Variants in OR5D3 observed in about 807,000 individuals in gnomAD.
OR5D3 encodes the protein olfactory receptor family 5 subfamily D member 3.
the OR5D3 span, chr11:55,726,713 CT>C: frequency 2.5e-6 from 1 of 399,122 alleles, no homozygotes; most frequent in East Asian, 3.6e-5. Flanking sequence ...TTGACTTTAT[CT>C]TTTTGTAGGA....
the OR5D3 span, chr11:55,727,913 A>G: frequency 6.6e-6 from 1 of 152,126 alleles, no homozygotes; most frequent in Non-Finnish European, 1.5e-5. Context: ...TATAACAACC[A>G]GGATAATGAT....
the OR5D3 span, chr11:55,723,983 C>A: frequency 2.5e-6 from 1 of 397,890 alleles, no homozygotes. Context: ...TAAGCGGGAG[C>A]ATTATTGGAG....
At chr11:55,724,116 C>G in the OR5D3 span, 718 of 395,838 alleles carry the variant, frequency 1.8e-3, 13 homozygotes, top group African/African-American at 0.014. Context: ...TTCCGGTAAT[C>G]TTAGTACCAG....
chr11:55,727,232 A>G, the OR5D3 span: 1 of 397,204 alleles, frequency 2.5e-6, no homozygotes, highest in East Asian at 3.6e-5. Context: ...GCATGAAATT[A>G]TGATAACCCT....
chr11:55,725,196 C>G, the OR5D3 span, among the ~76,000 whole-genome samples: 1 of 151,972 alleles, frequency 6.6e-6, no homozygotes, highest in Non-Finnish European at 1.5e-5. Flanking sequence ...TTTATAACCA[C>G]TACATTCATT....
the OR5D3 span, chr11:55,728,895 G>C: frequency 6.6e-6 from 1 of 151,970 alleles, no homozygotes. Context: ...GTGTGCATAT[G>C]TGTATAGTTT....
the OR5D3 span, chr11:55,724,139 G>A: frequency 2.6e-6 from 1 of 391,356 alleles, no homozygotes; most frequent in Non-Finnish European, 4.5e-6. Context: ...AAACACACGT[G>A]TAGGTTGAAG....
At chr11:55,724,111 G>A in the OR5D3 span, 3 of 396,038 alleles carry the variant, frequency 7.6e-6, no homozygotes, top group Non-Finnish European at 1.3e-5. Flanking sequence ...CTGAGTTCCG[G>A]TAATCTTAGT....
chr11:55,724,309 A>C, the OR5D3 span, among the ~76,000 whole-genome samples: 934 of 152,172 alleles, frequency 6.1e-3, 8 homozygotes, highest in Middle Eastern at 0.024. Flanking sequence ...AAGAAGAATA[A>C]AGCAAAATTG....
the OR5D3 span, chr11:55,728,928 A>G: frequency 1.8e-4 from 28 of 152,164 alleles, no homozygotes; most frequent in South Asian, 2.1e-3. Context: ...AAGGAGCACA[A>G]AAAAGGATTT....
chr11:55,723,996 C>T, the OR5D3 span: 7 of 397,808 alleles, frequency 1.8e-5, no homozygotes, highest in East Asian at 3.6e-5. Flanking sequence ...TATTGGAGTT[C>T]GTTAATTTCA....
At chr11:55,726,933 G>C in the OR5D3 span, 2 of 399,404 alleles carry the variant, frequency 5.0e-6, no homozygotes, top group Non-Finnish European at 8.8e-6. Flanking sequence ...CGTTCTCCAC[G>C]TGTGCCTCCC....
the OR5D3 span, among the ~76,000 whole-genome samples, chr11:55,725,829 G>A: frequency 1.3e-5 from 2 of 152,002 alleles, no homozygotes; most frequent in African/African-American, 4.8e-5. Context: ...AAGCTTTAGA[G>A]GTACAGCAGG....
the OR5D3 span, among the ~76,000 whole-genome samples, chr11:55,724,498 T>C: frequency 7.4e-4 from 112 of 152,084 alleles, 2 homozygotes; most frequent in African/African-American, 2.6e-3. Flanking sequence ...AAATAAAGCA[T>C]TATAAAAGTG....
At chr11:55,724,888 T>C in the OR5D3 span, among the ~76,000 whole-genome samples, 1 of 152,152 alleles carries the variant, frequency 6.6e-6, no homozygotes, top group Admixed American at 6.5e-5. Flanking sequence ...ATATCTTTCC[T>C]ACAGGCACAA....
chr11:55,726,668 G>A, the OR5D3 span: 3 of 399,830 alleles, frequency 7.5e-6, no homozygotes, highest in East Asian at 3.6e-5. Flanking sequence ...TACTCTTGGA[G>A]TTTAGTTTGT....
chr11:55,727,658 A>G, the OR5D3 span: 1 of 151,768 alleles, frequency 6.6e-6, no homozygotes, highest in Non-Finnish European at 1.5e-5. Context: ...GAATCTGGTA[A>G]AGTTAAGTTA....
At chr11:55,725,874 C>T in the OR5D3 span, among the ~76,000 whole-genome samples, 5 of 151,996 alleles carry the variant, frequency 3.3e-5, no homozygotes, top group Non-Finnish European at 7.4e-5. Flanking sequence ...TTTCCTCCAA[C>T]AGAAATATTT....
the OR5D3 span, chr11:55,724,125 A>G: frequency 2.5e-6 from 1 of 394,504 alleles, no homozygotes. Flanking sequence ...TCTTAGTACC[A>G]GACAAACACA....
Sources: allele counts gnomAD v4.1 joint callset (sites outside exome capture counted in the v4.1 genomes callset), GRCh38; gene constraint gnomAD v4.1.1; transcripts MANE v1.5; gene names NCBI Gene and HGNC (gene_info 2026-07-23, HGNC 2026-07-21).